The following DLC1 variants were observed in gnomAD, a reference collection of about 807,000 sequenced individuals.
DLC1 encodes the protein DLC1 Rho GTPase activating protein, also known as rho GTPase-activating protein 7.
Under a neutral mutation model 140.3 loss-of-function variants are expected in DLC1, and 54 were observed. The observed-to-expected ratio is 0.38, with a 90% CI of 0.31 to 0.48. The LOEUF is 0.48. DLC1 is among the 20% of genes least tolerant of loss of function. The pLI, the probability that DLC1 is intolerant of heterozygous loss-of-function variation, is 0.96. For synonymous variants in DLC1, 986 were observed against 728.1 expected (o/e 1.35, Z -5.70); for missense variants, 2,536 against 1,907.0 (o/e 1.33, Z -6.14).
intron 5 of DLC1, among the ~76,000 whole-genome samples, chr8:13,192,011 G>A (rs542537955): frequency 9.4e-5 from 14 of 149,462 alleles, no homozygotes; most frequent in Admixed American, 2.0e-4. Flanking sequence ...GTGTGATCTC[G>A]GCTCACTGCA....
rs3066465 is a variant in DLC1 at position 13,552,111 on chromosome 8, G to GTATATATATATATATA, written c.-125-51931_-125-51916dup. Among the ~76,000 whole-genome samples the GTATATATATATATATA allele has an allele frequency of 9.3e-3, 503 of 54,362 alleles. 14 individuals are homozygous for GTATATATATATATATA. The highest frequency in any genetic ancestry group is 0.045 in the Middle Eastern group (2 of 44). 35.7% of individuals were successfully genotyped at this position (54,362 alleles called of 152,430 possible). A position where few individuals can be genotyped will look rare whatever the true frequency, so the allele number is the denominator to read the frequency against. On this transcript the variant is annotated intron_variant, in intron 1 of 1. Coordinates refer to the DLC1 transcript ENST00000631382. ...TATATGTATGTACCTGTCTAGAGGT[G>GTATATATATATATATA]TATATATATATATATATATATATAT...
chr8:13,357,164 G>T (rs75373184), intron 4 of DLC1, among the ~76,000 whole-genome samples: 2 of 152,072 alleles, frequency 1.3e-5, no homozygotes, highest in African/African-American at 4.8e-5. Flanking sequence ...TCAGCTACTC[G>T]TGAGGCCAAG....
chr8:13,456,542 C>G (rs1799398417), intron 2 of DLC1, among the ~76,000 whole-genome samples: 1 of 152,110 alleles, frequency 6.6e-6, no homozygotes, highest in Admixed American at 6.6e-5. Context: ...CCCTGCAACT[C>G]CTGCCTCCCA....
intron 13 of DLC1, 28 bp from the exon 14 acceptor site, chr8:13,091,460 CA>C (rs776495928): frequency 6.3e-7 from 1 of 1,583,598 alleles, no homozygotes; most frequent in African/African-American, 1.4e-5. Flanking sequence ...AGGAGGGGAA[CA>C]GTTCAAATAT....
At chr8:13,599,834 CAT>C (rs1422017187) in intron 1 of DLC1, among the ~76,000 whole-genome samples, 2 of 151,774 alleles carry the variant, frequency 1.3e-5, no homozygotes, top group Non-Finnish European at 2.9e-5. Context: ...AAAGAAAAAA[CAT>C]AAAAATTTTT....
At chr8:13,406,179 G>GTGTTTTTTT (rs1468752091) in intron 2 of DLC1, among the ~76,000 whole-genome samples, 2 of 38,968 alleles carry the variant, frequency 5.1e-5, no homozygotes, top group East Asian at 1.4e-3. Context: ...GCTAATTTTT[G>GTGTTTTTTT]TGTTTTTTTT....
chr8:13,395,370 C>T (rs545687926), intron 3 of DLC1, among the ~76,000 whole-genome samples: 8 of 152,176 alleles, frequency 5.3e-5, no homozygotes, highest in Non-Finnish European at 1.0e-4. Context: ...ATCCACCCGC[C>T]TTGGCCTCCC....
intron 1 of DLC1, among the ~76,000 whole-genome samples, chr8:13,508,294 C>G (rs1207874554): frequency 6.6e-6 from 1 of 152,180 alleles, no homozygotes; most frequent in East Asian, 1.9e-4. Context: ...TTTGAGGAAA[C>G]TGGGAATATT....
intron 7 of DLC1, among the ~76,000 whole-genome samples, chr8:13,105,391 T>C (rs1195901768): frequency 6.6e-6 from 1 of 152,160 alleles, no homozygotes; most frequent in Non-Finnish European, 1.5e-5. Flanking sequence ...CGAGGCCTAC[T>C]GCGGGCCAGG....
At chr8:13,157,681 G>T (rs1322074987) in intron 5 of DLC1, among the ~76,000 whole-genome samples, 2 of 152,118 alleles carry the variant, frequency 1.3e-5, no homozygotes, top group Admixed American at 6.6e-5. Flanking sequence ...GCTATCCTGA[G>T]CTCTAGAATT....
chr8:13,345,133 T>C (rs1160535975), intron 4 of DLC1, among the ~76,000 whole-genome samples: 1 of 152,120 alleles, frequency 6.6e-6, no homozygotes, highest in Non-Finnish European at 1.5e-5. Context: ...TGGAGACTCA[T>C]TTGTCCACGT....
chr8:13,098,310 A>G, intron 10 of DLC1, 89 bp downstream of exon 10: 1 of 1,431,144 alleles, frequency 7.0e-7, no homozygotes, highest in Non-Finnish European at 9.6e-7. Context: ...AAAGGAGAGA[A>G]GTGTCATTTT....
chr8:13,395,202 C>T lies in DLC1; in HGVS notation c.1174-1509G>A, dbSNP rs190170979. On this transcript the variant is annotated intron_variant, in intron 3 of 17. Transcript: ENST00000276297. The stretch of plus-strand genomic sequence containing the variant: ...ATGGCGCAATCTTGGCTCACTGCAG[C>T]CTCCACCTCCTGAGTTCATGCAATT... Among the ~76,000 whole-genome samples the T allele has an allele frequency of 2.7e-3, 417 of 151,724 alleles. 3 individuals carry two copies. The highest frequency in any genetic ancestry group is 9.0e-3 in the African/African-American group (374 of 41,342).
intron 4 of DLC1, among the ~76,000 whole-genome samples, chr8:13,346,895 C>T (rs544144358): frequency 1.3e-5 from 2 of 152,330 alleles, no homozygotes; most frequent in South Asian, 2.1e-4. Flanking sequence ...TTCACTTTCT[C>T]CGGTTTCAGT....
In DLC1 at chr8:13,241,905, G is replaced by A. The variant is rs116677523; in HGVS notation, c.1348+63364C>T. ...ATTTACCATGCTTCATTAAGAGGGG[G>A]CAAAACTCAGATCTGCCCATTTGGC... On this transcript the variant is annotated intron_variant, in intron 5 of 17. Coordinates refer to ENST00000276297, the MANE Select transcript of DLC1 (RefSeq NM_182643.3). 4.1e-3 allele frequency among the ~76,000 whole-genome samples: 624 copies of A among 152,104 alleles called. 7 individuals carry two copies. The highest frequency in any genetic ancestry group is 0.015 in the African/African-American group (605 of 41,514).
Position 13,451,981 on chromosome 8 carries a change from A to G in DLC1, c.1023+47068T>C, listed in dbSNP as rs374723053. Reference sequence around the variant, plus strand: ...ATAGTGGTTGTACTAATTTCCATGAACACCAACAGAGTACGAGGGTTCTAT... The same window carrying G: ...ATAGTGGTTGTACTAATTTCCATGAGCACCAACAGAGTACGAGGGTTCTAT... On this transcript the variant is annotated intron_variant, in intron 2 of 17. Coordinates refer to ENST00000276297, the MANE Select transcript of DLC1 (RefSeq NM_182643.3). Among the ~76,000 whole-genome samples the G allele has an allele frequency of 4.3e-4, 65 of 152,228 alleles. No homozygotes were observed. The East Asian group carries it at 7.5e-3, about 18-fold the overall frequency.
chr8:13,537,117 C>G (rs533449695), intron 1 of DLC1, among the ~76,000 whole-genome samples: 2 of 139,094 alleles, frequency 1.4e-5, no homozygotes, highest in South Asian at 2.3e-4. Context: ...AAAACCATAA[C>G]AGTACATTAA....
chr8:13,344,474 C>A (rs1377052821), intron 4 of DLC1, among the ~76,000 whole-genome samples: 1 of 152,134 alleles, frequency 6.6e-6, no homozygotes, highest in Non-Finnish European at 1.5e-5. Context: ...GCCTGGGCAA[C>A]AAGAGTGAAA....
rs184596451 is a variant in DLC1 at position 13,473,179 on chromosome 8, A to G, written c.1023+25870T>C. 2.6e-5 allele frequency among the ~76,000 whole-genome samples: 4 copies of G among 152,298 alleles called. No individual in the cohort carries two copies. The East Asian group carries it at 7.7e-4, about 29-fold the overall frequency. On this transcript the variant is annotated intron_variant, in intron 2 of 17. Transcript: ENST00000276297. ...ATACCATCTGCATGGAAACAGGAAG[A>G]CAGGTTTTCAGTAGAGAATTCTTGA...
Sources: gnomAD v4.1 joint callset for allele counts (sites outside exome capture counted in the v4.1 genomes callset) on GRCh38, gnomAD v4.1.1 for gene constraint, MANE v1.5 for transcripts, NCBI Gene and HGNC (gene_info 2026-07-23, HGNC 2026-07-21) for gene names.